GNG2: variants seen among roughly 807,000 people sequenced by gnomAD.
GNG2 encodes the protein G protein subunit gamma 2.
In GNG2, 5 loss-of-function variants were observed where a neutral mutation model predicts 5.5. That is an observed-to-expected ratio of 0.91 (90% CI 0.48 to 1.92). GNG2 has a LOEUF of 1.92. Among genes scored for constraint, GNG2 ranks in the 30% most tolerant of loss-of-function variants. GNG2 has a pLI of 0.01. For missense variants in GNG2, 55 were observed against 88.4 expected (o/e 0.62, Z 1.52); for synonymous variants, 28 against 32.0 (o/e 0.88, Z 0.42).
At chr14:51,885,157 A>T (rs1884362578) in intron 2 of GNG2, among the ~76,000 whole-genome samples, 1 of 152,210 alleles carries the variant, frequency 6.6e-6, no homozygotes, top group African/African-American at 2.4e-5. Context: ...TGTGACTAAA[A>T]GAGTTTTGAC....
chr14:51,856,558 G>C (rs1247995609), upstream of GNG2, among the ~76,000 whole-genome samples: 1 of 152,070 alleles, frequency 6.6e-6, no homozygotes, highest in Non-Finnish European at 1.5e-5. Flanking sequence ...TCAGCCTCCT[G>C]AGTAGTTGGG....
rs560724893 is a variant in GNG2 at position 51,877,604 on chromosome 14, G to T, written c.-70-13G>T. On this transcript the variant is annotated splice_polypyrimidine_tract_variant and intron_variant, in intron 1 of 3. Transcript: ENST00000556766. ...TTTTAAAAAATTCGTTTTTCTCTCTGCTTTCTCAACAGCCAGATCTGCCAG... is the reference window on the plus strand; with the variant it reads ...TTTTAAAAAATTCGTTTTTCTCTCTTCTTTCTCAACAGCCAGATCTGCCAG... The T allele has an allele frequency of 2.2e-6, 1 of 455,086 alleles. No individual in the cohort carries two copies. The highest frequency in any genetic ancestry group is 4.4e-6 in the Non-Finnish European group (1 of 226,176). The allele number at this position is 455,086 out of a possible 1,614,324, so 28.2% of individuals were successfully genotyped here. A position where few individuals can be genotyped will look rare whatever the true frequency, so the allele number is the denominator to read the frequency against.
intron 2 of GNG2, among the ~76,000 whole-genome samples, chr14:51,835,853 C>T (rs1881314817): frequency 6.6e-6 from 1 of 151,990 alleles, no homozygotes; most frequent in African/African-American, 2.4e-5. Context: ...AGGTCTTTTG[C>T]TGGGAGATGC....
intron 2 of GNG2, among the ~76,000 whole-genome samples, chr14:51,889,256 G>A (rs1884677581): frequency 2.6e-5 from 4 of 152,006 alleles, no homozygotes; most frequent in Admixed American, 2.6e-4. Flanking sequence ...GGGACTACAG[G>A]TGTGTGCCAC....
chr14:51,873,936 A>G (rs1257113500), intron 1 of GNG2: 2 of 152,178 alleles, frequency 1.3e-5, no homozygotes, highest in Non-Finnish European at 2.9e-5. Flanking sequence ...GTGGGATACA[A>G]AGGAGACCAG....
At chr14:51,891,963 A>G (rs1387326367) in intron 2 of GNG2, among the ~76,000 whole-genome samples, 7 of 152,244 alleles carry the variant, frequency 4.6e-5, no homozygotes, top group Admixed American at 4.6e-4. Context: ...TTGCTAAGGC[A>G]TAGAACATTG....
intron 2 of GNG2, among the ~76,000 whole-genome samples, chr14:51,886,247 A>G (rs564913506): frequency 4.5e-4 from 69 of 152,348 alleles, no homozygotes; most frequent in African/African-American, 1.6e-3. Context: ...TGTGTAATGT[A>G]TCTACCACAT....
At chr14:51,936,189 C>T (rs1887993332) in intron 2 of GNG2, among the ~76,000 whole-genome samples, 1 of 152,158 alleles carries the variant, frequency 6.6e-6, no homozygotes, top group South Asian at 2.1e-4. Flanking sequence ...TGTATTAAAT[C>T]AGTGGTTATA....
At chr14:51,848,884 T>G (rs11621139) in intron 2 of GNG2, among the ~76,000 whole-genome samples, 24,997 of 152,152 alleles carry the variant, frequency 0.16, 2,499 homozygotes, top group East Asian at 0.44. Context: ...GACCTCACTT[T>G]CTACCCGCTG....
At chr14:51,893,297 G>A (rs1288299659) in intron 2 of GNG2, among the ~76,000 whole-genome samples, 1 of 152,148 alleles carries the variant, frequency 6.6e-6, no homozygotes, top group Non-Finnish European at 1.5e-5. Flanking sequence ...TAATGGGTGA[G>A]GAATGGTATT....
intron 2 of GNG2, among the ~76,000 whole-genome samples, chr14:51,893,563 T>G (rs544985330): frequency 6.6e-6 from 1 of 152,122 alleles, no homozygotes; most frequent in African/African-American, 2.4e-5. Context: ...ATAGTATCCT[T>G]TGTCATACTT....
At chr14:51,887,817 C>T (rs1236184957) in intron 2 of GNG2, among the ~76,000 whole-genome samples, 9 of 152,112 alleles carry the variant, frequency 5.9e-5, no homozygotes, top group African/African-American at 2.2e-4. Context: ...ATTATATATG[C>T]AAAATGAAGG....
chr14:51,878,827 G>A (rs1594867489), intron 2 of GNG2, among the ~76,000 whole-genome samples: 1 of 152,214 alleles, frequency 6.6e-6, no homozygotes, highest in East Asian at 1.9e-4. Flanking sequence ...GGTGAGGGCT[G>A]AGACATCCCA....
At chr14:51,913,592 G>C (rs941794192) in intron 2 of GNG2, among the ~76,000 whole-genome samples, 10 of 152,142 alleles carry the variant, frequency 6.6e-5, no homozygotes, top group African/African-American at 2.4e-4. Flanking sequence ...GGGCAGTACA[G>C]GATGAATGGT....
chr14:51,841,155 T>TA (rs1881471021), intron 2 of GNG2, among the ~76,000 whole-genome samples: 1 of 152,122 alleles, frequency 6.6e-6, no homozygotes, highest in Non-Finnish European at 1.5e-5. Context: ...ACTCCAAACT[T>TA]ACAAATGGAG....
intron 2 of GNG2, among the ~76,000 whole-genome samples, chr14:51,904,703 C>T (rs1885796443): frequency 6.6e-6 from 1 of 152,198 alleles, no homozygotes; most frequent in South Asian, 2.1e-4. Context: ...CTCACTCATG[C>T]TCCAAAAACA....
chr14:51,848,455 C>G (rs754221328), intron 2 of GNG2, among the ~76,000 whole-genome samples: 15 of 152,182 alleles, frequency 9.9e-5, no homozygotes, highest in Non-Finnish European at 1.9e-4. Flanking sequence ...GCATTCTGCT[C>G]TATCCATGCT....
chr14:51,842,529 GCTTT>G (rs1476895667), intron 2 of GNG2, among the ~76,000 whole-genome samples: 1 of 152,186 alleles, frequency 6.6e-6, no homozygotes, highest in Non-Finnish European at 1.5e-5. Flanking sequence ...TGCCAGAGTA[GCTTT>G]TCCTGAGGTC....
intron 2 of GNG2, among the ~76,000 whole-genome samples, chr14:51,917,929 G>A (rs1886749141): frequency 6.6e-6 from 1 of 151,900 alleles, no homozygotes; most frequent in South Asian, 2.1e-4. Flanking sequence ...GGGAGGCTGA[G>A]GCAGGAGAAT....
Sources: allele counts gnomAD v4.1 joint callset (sites outside exome capture counted in the v4.1 genomes callset), GRCh38; gene constraint gnomAD v4.1.1; transcripts MANE v1.5; gene names NCBI Gene and HGNC (gene_info 2026-07-23, HGNC 2026-07-21).